TTC17: variants seen among roughly 807,000 people sequenced by gnomAD.
TTC17 encodes the protein tetratricopeptide repeat domain 17, also known as tetratricopeptide repeat protein 17.
Under a neutral mutation model 143.8 loss-of-function variants are expected in TTC17, and 58 were observed. The observed-to-expected ratio is 0.40, with a 90% CI of 0.33 to 0.50. TTC17 has a LOEUF of 0.50. Among genes scored for constraint, TTC17 ranks in the 20% least tolerant of loss-of-function variants. TTC17 has a pLI of 0.49. For synonymous variants in TTC17, 501 were observed against 497.8 expected, an observed-to-expected ratio of 1.01 and a Z score of -0.09; for missense variants, 1,273 against 1,392.5, an observed-to-expected ratio of 0.91 and a Z score of 1.37.
intron 21 of TTC17, among the ~76,000 whole-genome samples, chr11:43,475,199 C>T (rs1564980440): frequency 6.6e-6 from 1 of 152,164 alleles, no homozygotes; most frequent in Non-Finnish European, 1.5e-5. Context: ...ATTGATTATC[C>T]TTTATCCAAG....
rs776220530 is a variant in TTC17, at chr11:43,389,690, T to C, written c.288T>C (p.Asn96=). The C allele has an allele frequency of 1.2e-5, 19 of 1,611,260 alleles. No homozygotes were observed. The highest frequency in any genetic ancestry group is 1.5e-5 in the Non-Finnish European group (18 of 1,179,178). Residue 96 remains asparagine, a synonymous_variant, in exon 3 of 24, where the codon AAT becomes AAC. Coordinates refer to ENST00000039989, the MANE Select transcript of TTC17 (RefSeq NM_018259.6). ...LVAQKIHIEE[N]EDRDTGLEQR... is the part of the protein sequence containing the mutation. ...CTCAAAAAATTCACATAGAAGAGAA[T>C]GAGGACAGAGACACAGGACTGGAAC...
At position 43,369,732 on chromosome 11, in the gene TTC17, T is replaced by C. The variant is rs189165467; in HGVS notation, c.160-9501T>C. ...CCCAGGTTCAAGTGATTCTTCTGCC[T>C]CAGCCTCCCGAGTAGCTGGGACTAC... On this transcript the variant is annotated intron_variant, in intron 1 of 23. Coordinates refer to ENST00000039989, the MANE Select transcript of TTC17 (RefSeq NM_018259.6). Among the ~76,000 whole-genome samples, 861 of 152,140 alleles carry C rather than the reference T, an allele frequency of 5.7e-3. 6 individuals are homozygous for C. The highest frequency in any genetic ancestry group is 5.8e-3 in the Non-Finnish European group (396 of 67,996).
intron 21 of TTC17, among the ~76,000 whole-genome samples, chr11:43,468,663 G>A (rs1948028937): frequency 6.6e-6 from 1 of 152,118 alleles, no homozygotes; most frequent in African/African-American, 2.4e-5. Flanking sequence ...AGCTGGGCAT[G>A]GTGGCTGACA....
intron 16 of TTC17, among the ~76,000 whole-genome samples, chr11:43,434,472 T>C (rs995311761): frequency 1.3e-5 from 2 of 152,210 alleles, no homozygotes; most frequent in African/African-American, 4.8e-5. Context: ...ATCTACTACT[T>C]ACTTTTGACT....
intron 23 of TTC17, among the ~76,000 whole-genome samples, chr11:43,492,898 A>G (rs1459051600): frequency 6.6e-6 from 1 of 152,252 alleles, no homozygotes; most frequent in East Asian, 1.9e-4. Flanking sequence ...TTTCATCTAA[A>G]ATGTGGCATC....
chr11:43,393,042 A>G (rs1016542032), intron 5 of TTC17, among the ~76,000 whole-genome samples: 1 of 152,222 alleles, frequency 6.6e-6, no homozygotes, highest in African/African-American at 2.4e-5. Context: ...ATAACAAAGT[A>G]CCACTTTGGA....
At chr11:43,467,505 A>G (rs1426652163) in intron 21 of TTC17, among the ~76,000 whole-genome samples, 1 of 152,254 alleles carries the variant, frequency 6.6e-6, no homozygotes, top group East Asian at 1.9e-4. Flanking sequence ...GATTGTTGCC[A>G]GCAACTGGGA....
At chr11:43,443,932 A>G (rs1483329960) in intron 17 of TTC17, 124 bp from the exon 18 acceptor site, 1 of 1,157,264 alleles carries the variant, frequency 8.6e-7, no homozygotes, top group African/African-American at 1.6e-5. Context: ...GTCTTTAAGA[A>G]TTAAACTCAA....
Position 43,494,817 on chromosome 11 carries a change from G to A in TTC17, c.*913G>A, listed in dbSNP as rs1948530735. On this transcript the variant is annotated 3_prime_UTR_variant, in exon 24 of 24. Transcript: ENST00000039989. The stretch of plus-strand genomic sequence containing the variant: ...CTCAGGAGGGTAATGAGCCAAGGTT[G>A]AGTGTTTCCATACAATGCTTTTACC... 6.6e-6 allele frequency: 1 copy of A among 152,176 alleles called. No individual in the cohort carries two copies. Among genetic ancestry groups the A allele is most frequent in the Non-Finnish European group, 1.5e-5 (1 of 68,028 alleles). 9.4% of individuals were successfully genotyped at this position (152,176 alleles called of 1,614,324 possible).
At chr11:43,386,043 A>G (rs1289583359) in intron 2 of TTC17, among the ~76,000 whole-genome samples, 1 of 152,000 alleles carries the variant, frequency 6.6e-6, no homozygotes, top group Admixed American at 6.6e-5. Context: ...AAACTTAGGT[A>G]TAATGTAAGG....
chr11:43,478,262 A>G (rs112285012), intron 21 of TTC17, among the ~76,000 whole-genome samples: 1 of 152,236 alleles, frequency 6.6e-6, no homozygotes, highest in Non-Finnish European at 1.5e-5. Context: ...AAAGCAGCCA[A>G]TTAAAATGTA....
chr11:43,386,537 G>A (rs1476091340), intron 2 of TTC17, among the ~76,000 whole-genome samples: 2 of 152,288 alleles, frequency 1.3e-5, no homozygotes, highest in East Asian at 3.9e-4. Flanking sequence ...GTAGTTGATT[G>A]ATGTAATTAC....
intron 21 of TTC17, among the ~76,000 whole-genome samples, chr11:43,475,480 G>A (rs1948168679): frequency 6.6e-6 from 1 of 152,112 alleles, no homozygotes; most frequent in South Asian, 2.1e-4. Flanking sequence ...CTACAGGCAT[G>A]TGCCACCATG....
intron 1 of TTC17, among the ~76,000 whole-genome samples, chr11:43,372,166 A>C (rs1012677355): frequency 5.3e-5 from 8 of 152,224 alleles, no homozygotes; most frequent in Non-Finnish European, 1.5e-5. Context: ...TTAGGAATTT[A>C]AGTTGATTCA....
intron 6 of TTC17, 165 bp from the exon 7 acceptor site, chr11:43,397,182 T>G (rs1857628383): frequency 1.4e-6 from 1 of 693,702 alleles, no homozygotes; most frequent in East Asian, 2.7e-5. Context: ...TGACAAAATT[T>G]GTAGCTATCA....
intron 21 of TTC17, among the ~76,000 whole-genome samples, chr11:43,465,939 A>G (rs933324117): frequency 3.9e-5 from 6 of 152,256 alleles, no homozygotes; most frequent in African/African-American, 4.8e-5. Flanking sequence ...AGTGGACTAT[A>G]TTAAAGTTTA....
chr11:43,469,549 A>C (rs1948049092), intron 21 of TTC17, among the ~76,000 whole-genome samples: 1 of 152,242 alleles, frequency 6.6e-6, no homozygotes, highest in African/African-American at 2.4e-5. Context: ...CAACATCCAC[A>C]ACATTGACGA....
rs1295537383 is a variant in TTC17, at chr11:43,405,690, T to C, written c.1595+61T>C. The C allele has an allele frequency of 2.5e-6, 4 of 1,611,686 alleles. No homozygotes were observed. The African/African-American group carries it at 4.0e-5, about 16-fold the overall frequency. On this transcript the variant is annotated intron_variant, in intron 12 of 23. Coordinates refer to ENST00000039989, the MANE Select transcript of TTC17 (RefSeq NM_018259.6). ...TGCATGATTGTCATCTAGCGGTTCT[T>C]TGAGAGCACCAGCCTTGGACTTGAA...
intron 18 of TTC17, chr11:43,445,882 T>A: frequency 1.2e-6 from 1 of 853,554 alleles, no homozygotes; most frequent in African/African-American, 1.7e-5. Context: ...GTAGATTTTC[T>A]AAGAACTAAT....
Sources: gnomAD v4.1 joint callset for allele counts (sites outside exome capture counted in the v4.1 genomes callset) on GRCh38, gnomAD v4.1.1 for gene constraint, MANE v1.5 for transcripts, NCBI Gene and HGNC (gene_info 2026-07-23, HGNC 2026-07-21) for gene names.